RORA: variants seen among roughly 807,000 people sequenced by gnomAD.
The protein encoded by RORA is RAR related orphan receptor A.
Under a neutral mutation model 69.5 loss-of-function variants are expected in RORA, and 7 were observed. That is an observed-to-expected ratio of 0.10 (90% CI 0.06 to 0.19). The LOEUF (loss-of-function observed/expected upper bound fraction) is 0.19. Among genes scored for constraint, RORA ranks in the 10% least tolerant of loss-of-function variants. RORA has a pLI of 1.00. For synonymous variants in RORA, 261 were observed against 240.8 expected (o/e 1.08, Z -0.78); for missense variants, 457 against 663.0 (o/e 0.69, Z 3.41).
At chr15:61,193,144 CAT>C (rs2140917537) in intron 1 of RORA, among the ~76,000 whole-genome samples, 1 of 152,336 alleles carries the variant, frequency 6.6e-6, no homozygotes, top group Admixed American at 6.5e-5. Context: ...TCCCCGAACA[CAT>C]GATGCCAATT....
intron 1 of RORA, among the ~76,000 whole-genome samples, chr15:61,081,807 CAA>C (rs59591650): frequency 2.1e-4 from 22 of 105,624 alleles, no homozygotes; most frequent in Admixed American, 3.1e-4. Flanking sequence ...GACTCTGTCT[CAA>C]AAAAAAAAAA....
intron 3 of RORA, among the ~76,000 whole-genome samples, chr15:60,515,303 A>G (rs2065827509): frequency 6.6e-6 from 1 of 152,218 alleles, no homozygotes; most frequent in African/African-American, 2.4e-5. Flanking sequence ...AGCATTAGAT[A>G]ACACTTGGAG....
At chr15:60,811,250 A>G (rs1299375207) in intron 1 of RORA, among the ~76,000 whole-genome samples, 4 of 152,102 alleles carry the variant, frequency 2.6e-5, no homozygotes, top group Non-Finnish European at 4.4e-5. Flanking sequence ...CATCCAACTT[A>G]TTTTTAGCCC....
chr15:60,940,503 G>C (rs943092253), intron 1 of RORA, among the ~76,000 whole-genome samples: 4 of 152,186 alleles, frequency 2.6e-5, no homozygotes, highest in African/African-American at 9.7e-5. Flanking sequence ...CAGGTTGCAG[G>C]GGGACGGGAT....
chr15:60,732,360 GGCAGCAAAGTCAGGGTGCCTGT>G (rs2071440440), intron 1 of RORA, among the ~76,000 whole-genome samples: 1 of 152,140 alleles, frequency 6.6e-6, no homozygotes, highest in East Asian at 1.9e-4. Flanking sequence ...ATTCCTGAGA[GGCAGCAAAGTCAGGGTGCCTGT>G]GCAGAAGTCA....
chr15:61,148,071 G>T (rs2079366332), intron 1 of RORA, among the ~76,000 whole-genome samples: 3 of 152,218 alleles, frequency 2.0e-5, no homozygotes. Flanking sequence ...CAATGAGGAG[G>T]CTGTCACATC....
At chr15:60,883,164 G>GAA (rs2073710282) in intron 1 of RORA, among the ~76,000 whole-genome samples, 1 of 129,218 alleles carries the variant, frequency 7.7e-6, no homozygotes, top group Non-Finnish European at 1.7e-5. Context: ...AAGAGAGAGA[G>GAA]AGAGAGAGAG....
chr15:60,859,386 C>CCTTGGGAA (rs1392620905), intron 1 of RORA, among the ~76,000 whole-genome samples: 1 of 76,786 alleles, frequency 1.3e-5, no homozygotes, highest in Admixed American at 1.1e-4. Flanking sequence ...TCACCTGGGA[C>CCTTGGGAA]CTTGGGACCT....
chr15:60,936,066 G>A (rs543725703), intron 1 of RORA, among the ~76,000 whole-genome samples: 6 of 152,290 alleles, frequency 3.9e-5, no homozygotes, highest in Admixed American at 2.0e-4. Flanking sequence ...GCTCATCATG[G>A]TAATATTACC....
intron 1 of RORA, among the ~76,000 whole-genome samples, chr15:60,975,126 C>A (rs1893839452): frequency 6.6e-6 from 1 of 152,034 alleles, no homozygotes; most frequent in Non-Finnish European, 1.5e-5. Context: ...AAAAAGATAA[C>A]TGTGGAGAGA....
chr15:60,628,179 C>T (rs1022052552), intron 2 of RORA, among the ~76,000 whole-genome samples: 2 of 152,178 alleles, frequency 1.3e-5, no homozygotes, highest in African/African-American at 2.4e-5. Context: ...AGGATCCCAT[C>T]CGATCTCACA....
chr15:60,840,269 C>T (rs1467013424), intron 1 of RORA, among the ~76,000 whole-genome samples: 3 of 152,224 alleles, frequency 2.0e-5, no homozygotes, highest in Non-Finnish European at 2.9e-5. Flanking sequence ...GGAAGGATGC[C>T]TATTCCTCTG....
At position 60,708,299 on chromosome 15, in the gene RORA, G is replaced by A. The variant is rs1325473134; in HGVS notation, c.167-29613C>T. ...TAGCTGGGCTTGGTGGTGTGTGCCT[G>A]TAGTCCCACCTACTTGGGAGGCTGA... On this transcript the variant is annotated intron_variant, in intron 1 of 10. Coordinates refer to ENST00000335670, the MANE Select transcript of RORA (RefSeq NM_134261.3). Among the ~76,000 whole-genome samples, 4 of 152,060 alleles carry A rather than the reference G, an allele frequency of 2.6e-5. No individual in the cohort carries two copies. The Middle Eastern group carries it at 0.01, about 388-fold the overall frequency.
intron 1 of RORA, among the ~76,000 whole-genome samples, chr15:60,914,720 G>C (rs1037568787): frequency 6.6e-6 from 1 of 152,130 alleles, no homozygotes; most frequent in African/African-American, 2.4e-5. Context: ...ATGTGATAAA[G>C]AAATGGAGAG....
chr15:60,710,092 C>T (rs2071122857), intron 1 of RORA, among the ~76,000 whole-genome samples: 2 of 152,124 alleles, frequency 1.3e-5, no homozygotes, highest in South Asian at 4.1e-4. Context: ...GGGCTGGAGG[C>T]CCGATAGGAG....
chr15:60,794,827 C>T (rs982206125), intron 1 of RORA, among the ~76,000 whole-genome samples: 4 of 152,194 alleles, frequency 2.6e-5, no homozygotes, highest in African/African-American at 4.8e-5. Context: ...TGCTGTGCCT[C>T]ATGCGCCCAT....
At chr15:60,612,661 G>GTTTTTTTT (rs71122864) in intron 2 of RORA, among the ~76,000 whole-genome samples, 40 of 107,130 alleles carry the variant, frequency 3.7e-4, no homozygotes, top group Non-Finnish European at 5.6e-4. Context: ...CTCTCTCTCT[G>GTTTTTTTT]TTTTTTTTTT....
At position 61,149,952 on chromosome 15, in the gene RORA, A is replaced by G. The variant is rs1051456482; in HGVS notation, c.166+79101T>C. ...GGTGTGATGATGAACTCTGAGTCCA[A>G]TGGCAAACAGCTTCACCTTTCCAGT... On this transcript the variant is annotated intron_variant, in intron 1 of 10. Transcript: ENST00000335670. Among the ~76,000 whole-genome samples the G allele has an allele frequency of 6.6e-5, 10 of 152,336 alleles. No homozygotes were observed. The East Asian group carries it at 1.5e-3, about 24-fold the overall frequency.
At chr15:60,819,767 A>G (rs141538018) in intron 1 of RORA, among the ~76,000 whole-genome samples, 5 of 147,532 alleles carry the variant, frequency 3.4e-5, no homozygotes, top group South Asian at 2.2e-4. Flanking sequence ...ACACACACAC[A>G]CACACACACA....
Sources: allele counts gnomAD v4.1 joint callset (sites outside exome capture counted in the v4.1 genomes callset), GRCh38; gene constraint gnomAD v4.1.1; transcripts MANE v1.5; gene names NCBI Gene and HGNC (gene_info 2026-07-23, HGNC 2026-07-21).